Variants in DHRS2 observed in about 807,000 individuals in gnomAD.
The protein encoded by DHRS2 is dehydrogenase/reductase 2, also known as dehydrogenase/reductase SDR family member 2, mitochondrial.
A neutral mutation model predicts 26.3 loss-of-function variants in DHRS2; 29 were observed. That is an observed-to-expected ratio of 1.10 (90% CI 0.82 to 1.50). DHRS2 has a LOEUF of 1.50. Ranked by LOEUF, DHRS2 falls within the 40% of genes most tolerant of loss-of-function variation. DHRS2 has a pLI of 0.00. For missense variants in DHRS2, 439 were observed against 367.1 expected (o/e 1.20, Z -1.60); for synonymous variants, 164 against 151.3 (o/e 1.08, Z -0.62).
At chr14:23,637,103 T>G (rs1207835390) in intron 1 of DHRS2, among the ~76,000 whole-genome samples, 1 of 152,200 alleles carries the variant, frequency 6.6e-6, no homozygotes, top group African/African-American at 2.4e-5. Context: ...CAAAGGCATG[T>G]TGCCCAAGTG....
At chr14:23,639,677 G>T in intron 3 of DHRS2, 117 bp from the exon 4 acceptor site, 1 of 1,175,636 alleles carries the variant, frequency 8.5e-7, no homozygotes, top group Non-Finnish European at 1.1e-6. Context: ...GGACACCTAG[G>T]TCATTTTCCT....
Position 23,640,105 on chromosome 14 carries a change from C to A in DHRS2, c.420+210C>A, listed in dbSNP as rs115806746. On this transcript the variant is annotated intron_variant, in intron 4 of 8. Coordinates refer to ENST00000250383, the MANE Select transcript of DHRS2 (RefSeq NM_005794.4). ...TTGGTTCTTAAATCTGGCCCCCACA[C>A]TTTCTGCTTTGTTTTCTCTTCTCAT... The A allele has an allele frequency of 8.5e-4, 604 of 711,288 alleles. 3 individuals are homozygous for A. The African/African-American group carries it at 0.01, about 12-fold the overall frequency. 44.1% of individuals were successfully genotyped at this position (711,288 alleles called of 1,614,324 possible). A position where few individuals can be genotyped will look rare whatever the true frequency, so the allele number is the denominator to read the frequency against.
intron 4 of DHRS2, chr14:23,641,569 A>C: frequency 7.8e-7 from 1 of 1,276,078 alleles, no homozygotes; most frequent in South Asian, 1.3e-5. Context: ...AGCCTGATGC[A>C]CATGGAGTAT....
chr14:23,639,977 A>G (rs1206718564), intron 4 of DHRS2, 82 bp downstream of exon 4: 2 of 1,218,066 alleles, frequency 1.6e-6, no homozygotes, highest in Non-Finnish European at 2.2e-6. Context: ...GCCCACCAAG[A>G]CTCTGTTTCC....
chr14:23,631,151 G>C (rs1401942459), intron 1 of DHRS2, among the ~76,000 whole-genome samples: 1 of 152,186 alleles, frequency 6.6e-6, no homozygotes, highest in Non-Finnish European at 1.5e-5. Flanking sequence ...TCAAAGAAAT[G>C]CATTTTGATG....
Position 23,639,161 on chromosome 14 carries a change from CT to C in DHRS2, c.141-17del, listed in dbSNP as rs762765287. The C allele has an allele frequency of 2.7e-5, 44 of 1,610,720 alleles. No individual in the cohort carries two copies. The highest frequency in any genetic ancestry group is 1.7e-4 in the Admixed American group (10 of 59,758). On this transcript the variant is annotated splice_polypyrimidine_tract_variant and intron_variant, in intron 2 of 8. Transcript: ENST00000250383. ...AGAGAGGCTGAGGCTGACTTTTGCC[CT>C]CCATCTCTGCATTCAGGATCGGCTT...
In DHRS2 at chr14:23,645,613, C is replaced by G. The variant is rs1170085154; in HGVS notation, c.*360C>G. 6 of 295,158 alleles carry G rather than the reference C, an allele frequency of 2.0e-5. No individual in the cohort carries two copies. The highest frequency in any genetic ancestry group is 3.8e-5 in the Non-Finnish European group (6 of 157,616). 18.3% of individuals were successfully genotyped at this position (295,158 alleles called of 1,614,324 possible). A position where few individuals can be genotyped will look rare whatever the true frequency, so the allele number is the denominator to read the frequency against. ...ATTTGTGCTTTAAGCATTTTTTTTC[C>G]TAAAATAAACTCAAATTTATCCTCA... On this transcript the variant is annotated 3_prime_UTR_variant, in exon 9 of 9. Transcript: ENST00000250383.
Position 23,637,462 on chromosome 14 carries a change from T to C in DHRS2, c.-39+690T>C, listed in dbSNP as rs149767764. On this transcript the variant is annotated intron_variant, in intron 1 of 8. Coordinates refer to ENST00000250383, the MANE Select transcript of DHRS2 (RefSeq NM_005794.4). The stretch of plus-strand genomic sequence containing the variant: ...GATAGGGGGAGCCTCAGAAATTGTA[T>C]CCTTCCTATTCATATAAGTGAGGAC... 2.4e-3 allele frequency among the ~76,000 whole-genome samples: 370 copies of C among 152,300 alleles called. 2 individuals are homozygous for C. Among genetic ancestry groups the C allele is most frequent in the African/African-American group, 8.5e-3 (355 of 41,558 alleles).
chr14:23,643,205 C>G lies in DHRS2; in HGVS notation c.474C>G (p.Pro158=). 2 of 1,614,004 alleles carry G rather than the reference C, an allele frequency of 1.2e-6. No individual in the cohort carries two copies. Among genetic ancestry groups the G allele is most frequent in the Non-Finnish European group, 1.7e-6 (2 of 1,180,002 alleles). Residue 158 remains proline, a synonymous_variant, in exon 5 of 9, where the codon CCC becomes CCG. Transcript: ENST00000250383. The stretch of plus-strand genomic sequence containing the variant: ...CCCTGCTGCTGAGCCAGTTGCTGCC[C>G]TACATGGAGAACAGGTATGGCAGGG... ...SPALLLSQLL[P]YMENRRGAVI...
intron 5 of DHRS2, 198 bp from the exon 6 acceptor site, chr14:23,643,913 G>T: frequency 1.6e-6 from 1 of 606,824 alleles, no homozygotes; most frequent in Non-Finnish European, 3.0e-6. Flanking sequence ...ATGAGAAATA[G>T]GCATGGAATC....
upstream of DHRS2, among the ~76,000 whole-genome samples, chr14:23,635,977 G>A (rs1890263819): frequency 6.6e-6 from 1 of 152,260 alleles, no homozygotes; most frequent in African/African-American, 2.4e-5. Flanking sequence ...GGTGAAGCCG[G>A]CTGGGCTTCT....
At chr14:23,635,705 G>T (rs183936166), upstream of DHRS2, among the ~76,000 whole-genome samples, 2 of 152,356 alleles carry the variant, frequency 1.3e-5, no homozygotes, top group African/African-American at 2.4e-5. Context: ...GGCTGCACTT[G>T]AGGAGCCCTT....
chr14:23,640,038 A>G, intron 4 of DHRS2, 143 bp downstream of exon 4: 1 of 784,048 alleles, frequency 1.3e-6, no homozygotes, highest in East Asian at 3.4e-5. Context: ...CTGCCTGGCC[A>G]GCTGTCTCCC....
chr14:23,639,803 C>A lies in DHRS2; in HGVS notation c.328C>A (p.His110Asn). Residue 110 changes from histidine to asparagine, a missense_variant, in exon 4 of 9, where the codon CAC becomes AAC. Transcript: ENST00000250383. ...AATCTCCTCTCCGCAGGCCCTGGAG[C>A]ACTGTGGGGGCGTCGACTTCCTGGT... Reference protein sequence around the residue: ...REQLVAKALEHCGGVDFLVCS... With the variant: ...REQLVAKALENCGGVDFLVCS... 2.5e-6 allele frequency: 4 copies of A among 1,607,860 alleles called. No homozygotes were observed. Among genetic ancestry groups the A allele is most frequent in the Non-Finnish European group, 2.5e-6 (3 of 1,176,850 alleles).
At chr14:23,635,240 G>C (rs113789154), upstream of DHRS2, among the ~76,000 whole-genome samples, 10 of 152,238 alleles carry the variant, frequency 6.6e-5, no homozygotes, top group African/African-American at 2.4e-4. Context: ...TTTTTATAGA[G>C]ACATGGTTTC....
intron 4 of DHRS2, chr14:23,641,580 T>C (rs1057156565): frequency 7.8e-7 from 1 of 1,284,832 alleles, no homozygotes. Flanking sequence ...CATGGAGTAT[T>C]GGACAGATAT....
Position 23,643,311 on chromosome 14 carries a change from G to A in DHRS2, c.488+92G>A, listed in dbSNP as rs1890744042. ...GGTAGCACAGCCAGTAGTGGGTAGAGGACAGAAGAGGTCTGGGATCTCCAC... is the reference window on the plus strand; with the variant it reads ...GGTAGCACAGCCAGTAGTGGGTAGAAGACAGAAGAGGTCTGGGATCTCCAC... On this transcript the variant is annotated intron_variant, in intron 5 of 8. Transcript: ENST00000250383. 6 of 1,159,228 alleles carry A rather than the reference G, an allele frequency of 5.2e-6. No homozygotes were observed. The South Asian group carries it at 6.3e-5, about 12-fold the overall frequency. The allele number at this position is 1,159,228 out of a possible 1,614,324, so 71.8% of individuals were successfully genotyped here. A position where few individuals can be genotyped will look rare whatever the true frequency, so the allele number is the denominator to read the frequency against.
intron 4 of DHRS2, chr14:23,640,100 C>T (rs909524510): frequency 3.6e-5 from 25 of 703,072 alleles, no homozygotes; most frequent in Non-Finnish European, 4.7e-5. Context: ...AATCTGGCCC[C>T]CACACTTTCT....
chr14:23,636,230 A>C (rs924222606), upstream of DHRS2: 1 of 152,138 alleles, frequency 6.6e-6, no homozygotes, highest in African/African-American at 2.4e-5. Context: ...AAAACGGACC[A>C]ATCAGCTCTC....
Sources: gnomAD v4.1 joint callset for allele counts (sites outside exome capture counted in the v4.1 genomes callset) on GRCh38, gnomAD v4.1.1 for gene constraint, MANE v1.5 for transcripts, NCBI Gene and HGNC (gene_info 2026-07-23, HGNC 2026-07-21) for gene names.